Variants in TBC1D7 observed in about 807,000 individuals in gnomAD.
The protein encoded by TBC1D7 is TBC1 domain family member 7.
A neutral mutation model predicts 35.3 loss-of-function variants in TBC1D7; 33 were observed. The observed-to-expected ratio is 0.93, with a 90% confidence interval of 0.71 to 1.25. The LOEUF (loss-of-function observed/expected upper bound fraction) is 1.25, where lower values mean the gene tolerates loss of function less well. TBC1D7 is among the 50% of genes most tolerant of loss of function. The pLI is 0.00. For missense variants in TBC1D7, 362 were observed against 365.3 expected (o/e 0.99, Z 0.07); for synonymous variants, 135 against 129.5 (o/e 1.04, Z -0.29).
At chr6:13,307,043 G>C (rs1163243494) in intron 6 of TBC1D7, 3 of 154,618 alleles carry the variant, frequency 1.9e-5, no homozygotes, top group Non-Finnish European at 4.3e-5. Context: ...GATCATTCCT[G>C]TAACTCCTAA....
rs1311516036 is a variant in TBC1D7, at chr6:13,328,509, G to GCCGCTC, written c.-223_-222insGAGCGG. The GCCGCTC allele has an allele frequency of 2.5e-5, 4 of 157,624 alleles. No homozygotes were observed. The highest frequency in any genetic ancestry group is 7.2e-5 in the African/African-American group (3 of 41,392). The allele number at this position is 157,624 out of a possible 1,614,324, so 9.8% of individuals were successfully genotyped here. Reference sequence around the variant, plus strand: ...CCGGGAGACAAAACTCAGCGCCGCTGCCGCTGCCGCTGCCGCCGCCGCCGG... The same window carrying GCCGCTC: ...CCGGGAGACAAAACTCAGCGCCGCTGCCGCTCCCGCTGCCGCTGCCGCCGCCGCCGG... On this transcript the variant is annotated 5_prime_UTR_variant, in exon 1 of 8. Coordinates refer to ENST00000379300, the MANE Select transcript of TBC1D7 (RefSeq NM_016495.6).
intron 3 of TBC1D7, chr6:13,323,915 CAG>C (rs1285611210): frequency 1.3e-5 from 2 of 152,214 alleles, no homozygotes; most frequent in Non-Finnish European, 2.9e-5. Context: ...TACTTAGCCT[CAG>C]AGAGTCTTTT....
chr6:13,325,227 G>A lies in TBC1D7; in HGVS notation c.113-53C>T, dbSNP rs1051815788. On this transcript the variant is annotated intron_variant, in intron 2 of 7. Transcript: ENST00000379300. ...AAGCTTTTCATGCTGATCACAGTAT[G>A]TCAAGGCACATTTCATTTTTTAAAA... 2.3e-6 allele frequency: 3 copies of A among 1,289,246 alleles called. No homozygotes were observed. In the African/African-American group the frequency reaches 4.5e-5, roughly 19 times the overall value. 79.9% of individuals were successfully genotyped at this position (1,289,246 alleles called of 1,614,324 possible).
At chr6:13,320,465 AAAT>A (rs1247413185) in intron 4 of TBC1D7, 55 of 421,804 alleles carry the variant, frequency 1.3e-4, no homozygotes, top group Non-Finnish European at 1.7e-5. Context: ...AGGAAAAAAA[AAAT>A]GTGTTTAAAA....
intron 5 of TBC1D7, among the ~76,000 whole-genome samples, chr6:13,313,895 A>C (rs1388687653): frequency 2.6e-5 from 4 of 152,172 alleles, no homozygotes; most frequent in African/African-American, 9.7e-5. Flanking sequence ...AAAGTTCTCC[A>C]AGGCAGTAAG....
chr6:13,320,603 T>G (rs1584561126), intron 4 of TBC1D7: 1 of 586,476 alleles, frequency 1.7e-6, no homozygotes, highest in Non-Finnish European at 3.0e-6. Flanking sequence ...TAGAAAAAAG[T>G]TGCATAATGT....
chr6:13,328,214 A>G (rs917864864), intron 1 of TBC1D7, 82 bp downstream of exon 1: 1 of 152,298 alleles, frequency 6.6e-6, no homozygotes, highest in African/African-American at 2.4e-5. Context: ...TCTCCTGCCC[A>G]TGCGCGTCCA....
At position 13,307,564 on chromosome 6, in the gene TBC1D7, C is replaced by G. The variant is rs765352156; in HGVS notation, c.665+36G>C. 4 of 1,610,872 alleles carry G rather than the reference C, an allele frequency of 2.5e-6. No individual in the cohort carries two copies. The African/African-American group carries it at 5.3e-5, about 22-fold the overall frequency. ...GAAAGGCCAGAACTCTGCTCTAACG[C>G]CAAGCCTTCAATATGTCTTCGAAAG... is the stretch of plus-strand genomic sequence containing the variant. On this transcript the variant is annotated intron_variant, in intron 6 of 7. Coordinates refer to ENST00000379300, the MANE Select transcript of TBC1D7 (RefSeq NM_016495.6).
chr6:13,320,772 A>T, intron 4 of TBC1D7, 136 bp downstream of exon 4: 1 of 848,502 alleles, frequency 1.2e-6, no homozygotes, highest in Non-Finnish European at 2.0e-6. Context: ...AATGCCAAGT[A>T]AAGATGTGTC....
chr6:13,314,306 A>AGG (rs1783444319), intron 5 of TBC1D7, among the ~76,000 whole-genome samples: 2 of 152,266 alleles, frequency 1.3e-5, no homozygotes, highest in African/African-American at 4.8e-5. Context: ...ACTTCTTAGA[A>AGG]GGAGAAGTAG....
intron 3 of TBC1D7, among the ~76,000 whole-genome samples, chr6:13,321,512 A>G (rs1417680599): frequency 1.3e-5 from 2 of 152,168 alleles, no homozygotes; most frequent in East Asian, 3.9e-4. Context: ...AGCCCATTGA[A>G]TTCTTCTCTT....
chr6:13,322,197 T>C (rs981035939), intron 3 of TBC1D7, among the ~76,000 whole-genome samples: 12 of 151,720 alleles, frequency 7.9e-5, no homozygotes, highest in African/African-American at 2.4e-4. Flanking sequence ...AAGGCCATAG[T>C]GAGCTGTGAT....
chr6:13,318,289 T>C (rs546389988), intron 4 of TBC1D7: 1 of 152,316 alleles, frequency 6.6e-6, no homozygotes, highest in South Asian at 2.1e-4. Context: ...ACAATGAGGA[T>C]CATGACTGGG....
rs564793751 is a variant in TBC1D7 at position 13,319,607 on chromosome 6, A to G, written c.381+1301T>C. 1.7e-3 allele frequency: 254 copies of G among 152,296 alleles called. 1 individual carries two copies. Among genetic ancestry groups the G allele is most frequent in the African/African-American group, 5.6e-3 (233 of 41,554 alleles). 9.4% of individuals were successfully genotyped at this position (152,296 alleles called of 1,614,324 possible). A position where few individuals can be genotyped will look rare whatever the true frequency, so the allele number is the denominator to read the frequency against. ...CATCAGCAAAATCCCAGTGAGGCCT[A>G]CAGAGTAGCTGTCAGTATTGTGATT... On this transcript the variant is annotated intron_variant, in intron 4 of 7. Transcript: ENST00000379300.
At chr6:13,309,018 G>A (rs1783005964) in intron 5 of TBC1D7, among the ~76,000 whole-genome samples, 1 of 152,152 alleles carries the variant, frequency 6.6e-6, no homozygotes, top group Admixed American at 6.5e-5. Flanking sequence ...AGGCAAAGAG[G>A]GGCCCACATC....
chr6:13,309,542 A>C (rs929978730), intron 5 of TBC1D7, among the ~76,000 whole-genome samples: 1 of 152,324 alleles, frequency 6.6e-6, no homozygotes, highest in Admixed American at 6.5e-5. Flanking sequence ...CTTTTTGCCA[A>C]TATCTAATTA....
chr6:13,313,161 C>T (rs1022387682), intron 5 of TBC1D7, among the ~76,000 whole-genome samples: 1 of 152,206 alleles, frequency 6.6e-6, no homozygotes, highest in East Asian at 1.9e-4. Flanking sequence ...CTTGAACACC[C>T]ATGAATTTTA....
intron 3 of TBC1D7, among the ~76,000 whole-genome samples, chr6:13,321,624 T>C (rs2458307): frequency 0.25 from 38,199 of 152,168 alleles, 5,120 homozygotes; most frequent in South Asian, 0.41. Flanking sequence ...TTCTATGACA[T>C]ATTAAGCTCC....
chr6:13,320,708 G>T (rs181183587), intron 4 of TBC1D7, 200 bp downstream of exon 4: 1 of 681,832 alleles, frequency 1.5e-6, no homozygotes, highest in East Asian at 2.7e-5. Flanking sequence ...AAAATAAAAC[G>T]TATTTTAAAA....
Sources: gnomAD v4.1 joint callset for allele counts (sites outside exome capture counted in the v4.1 genomes callset) on GRCh38, gnomAD v4.1.1 for gene constraint, MANE v1.5 for transcripts, NCBI Gene and HGNC (gene_info 2026-07-23, HGNC 2026-07-21) for gene names.